Variants in CSMD1 observed in about 807,000 individuals in gnomAD.
The protein encoded by CSMD1 is CUB and Sushi multiple domains 1, also known as CUB and sushi domain-containing protein 1.
Under a neutral mutation model 417.5 loss-of-function variants are expected in CSMD1, and 213 were observed. The ratio of observed to expected loss-of-function variants is 0.51; its 90% CI spans 0.46 to 0.57. The LOEUF (loss-of-function observed/expected upper bound fraction) is 0.57. Among genes scored for constraint, CSMD1 ranks in the 20% least tolerant of loss-of-function variants. The pLI, the probability that CSMD1 is intolerant of heterozygous loss-of-function variation, is 0.00. For synonymous variants in CSMD1, 2,862 were observed against 1,736.8 expected, an observed-to-expected ratio of 1.65 and a Z score of -16.11; for missense variants, 6,923 against 4,529.7, an observed-to-expected ratio of 1.53 and a Z score of -15.17.
chr8:3,487,262 C>T (rs1170182781), intron 11 of CSMD1, among the ~76,000 whole-genome samples: 4 of 152,034 alleles, frequency 2.6e-5, no homozygotes, highest in Admixed American at 6.6e-5. Context: ...AGTGCAGTGG[C>T]GCGATCTTGG....
At chr8:3,173,938 T>G (rs1374672653) in intron 37 of CSMD1, among the ~76,000 whole-genome samples, 1 of 152,224 alleles carries the variant, frequency 6.6e-6, no homozygotes, top group Admixed American at 6.5e-5. Context: ...ATGTTGAGTA[T>G]GTTTCATTTC....
intron 12 of CSMD1, among the ~76,000 whole-genome samples, chr8:3,412,679 G>C (rs1812887159): frequency 6.6e-6 from 1 of 152,196 alleles, no homozygotes; most frequent in Admixed American, 6.5e-5. Flanking sequence ...GATCCTTACA[G>C]AGTCAGCTCT....
At position 4,263,810 on chromosome 8, in the gene CSMD1, T is replaced by C. The variant is rs118013799; in HGVS notation, c.415+156143A>G. On this transcript the variant is annotated intron_variant, in intron 3 of 69. Transcript: ENST00000635120. ...AATTGTGACTGGCTCACCTAAATTA[T>C]ACATATTTTCTAAACCAATTTTTGA... 9.6e-3 allele frequency among the ~76,000 whole-genome samples: 1,455 copies of C among 152,318 alleles called. 11 individuals carry two copies. Among genetic ancestry groups the C allele is most frequent in the Non-Finnish European group, 0.015 (999 of 68,028 alleles).
At chr8:4,606,221 T>C (rs966997630) in intron 2 of CSMD1, among the ~76,000 whole-genome samples, 3 of 152,018 alleles carry the variant, frequency 2.0e-5, no homozygotes, top group African/African-American at 7.2e-5. Context: ...GGTCTAAGAG[T>C]TGGAAGGAGA....
At chr8:3,817,922 G>A (rs1200356270) in intron 5 of CSMD1, among the ~76,000 whole-genome samples, 1 of 152,094 alleles carries the variant, frequency 6.6e-6, no homozygotes, top group Non-Finnish European at 1.5e-5. Flanking sequence ...TTAACTACCA[G>A]ACAAAAACCT....
intron 3 of CSMD1, among the ~76,000 whole-genome samples, chr8:4,034,073 A>G (rs1386088909): frequency 2.0e-5 from 3 of 152,230 alleles, no homozygotes; most frequent in African/African-American, 2.4e-5. Flanking sequence ...TTGTCTTTGC[A>G]TCGGCATGGG....
chr8:4,030,881 C>T (rs764610155), intron 4 of CSMD1, among the ~76,000 whole-genome samples: 1 of 152,314 alleles, frequency 6.6e-6, no homozygotes, highest in East Asian at 1.9e-4. Flanking sequence ...CCCAAATCAT[C>T]TCTCTCAAGT....
intron 25 of CSMD1, among the ~76,000 whole-genome samples, chr8:3,303,502 C>T (rs916495824): frequency 2.6e-5 from 4 of 152,182 alleles, no homozygotes; most frequent in African/African-American, 9.7e-5. Flanking sequence ...CAATGTTTTT[C>T]ATACTGTGCG....
chr8:3,483,861 C>T (rs1017891724), intron 11 of CSMD1, among the ~76,000 whole-genome samples: 1 of 152,054 alleles, frequency 6.6e-6, no homozygotes, highest in African/African-American at 2.4e-5. Context: ...CAATGTCATC[C>T]ACCATTAGAA....
At chr8:3,471,125 C>T (rs534561375) in intron 11 of CSMD1, among the ~76,000 whole-genome samples, 52 of 152,290 alleles carry the variant, frequency 3.4e-4, no homozygotes, top group African/African-American at 1.1e-3. Context: ...ACATTCCCAC[C>T]AGCAGTGTGT....
chr8:4,664,731 G>A (rs566231944), intron 1 of CSMD1, among the ~76,000 whole-genome samples: 99 of 152,258 alleles, frequency 6.5e-4, no homozygotes, highest in Non-Finnish European at 1.2e-3. Flanking sequence ...ATATAAAAGT[G>A]TAGATGCTAA....
intron 5 of CSMD1, among the ~76,000 whole-genome samples, chr8:3,956,183 G>A (rs903913285): frequency 6.6e-6 from 1 of 152,268 alleles, no homozygotes; most frequent in South Asian, 2.1e-4. Context: ...TACAATTTTG[G>A]GGTATTAACC....
intron 3 of CSMD1, among the ~76,000 whole-genome samples, chr8:4,368,970 T>C (rs1802248711): frequency 6.6e-6 from 1 of 152,142 alleles, no homozygotes; most frequent in Admixed American, 6.6e-5. Context: ...AGCTCTGATT[T>C]TGGTTATTTT....
At chr8:3,905,204 A>G (rs1320298735) in intron 5 of CSMD1, among the ~76,000 whole-genome samples, 2 of 152,324 alleles carry the variant, frequency 1.3e-5, no homozygotes, top group East Asian at 3.9e-4. Flanking sequence ...ATAAAAGATA[A>G]TATTTTTTCT....
chr8:4,820,524 G>C (rs1225302483), intron 1 of CSMD1, among the ~76,000 whole-genome samples: 2 of 152,096 alleles, frequency 1.3e-5, no homozygotes, highest in Non-Finnish European at 2.9e-5. Context: ...CTCTCAGAAA[G>C]ACAGAAGAAT....
chr8:3,637,782 A>G (rs980289311), intron 7 of CSMD1, among the ~76,000 whole-genome samples: 2 of 152,114 alleles, frequency 1.3e-5, no homozygotes, highest in Non-Finnish European at 2.9e-5. Context: ...TAATTCCCAC[A>G]TCTTGGGAGG....
chr8:4,124,889 G>T (rs889660861), intron 3 of CSMD1, among the ~76,000 whole-genome samples: 4 of 152,054 alleles, frequency 2.6e-5, no homozygotes, highest in Admixed American at 2.6e-4. Context: ...AAAAGCGGAG[G>T]GGTTATAAGG....
chr8:3,523,575 A>G (rs1797605017), intron 10 of CSMD1, among the ~76,000 whole-genome samples: 1 of 149,040 alleles, frequency 6.7e-6, no homozygotes, highest in African/African-American at 2.4e-5. Context: ...GCACACACAC[A>G]TGTACACACA....
intron 40 of CSMD1, among the ~76,000 whole-genome samples, chr8:3,143,871 A>AG (rs1160052973): frequency 6.6e-6 from 1 of 152,258 alleles, no homozygotes; most frequent in Non-Finnish European, 1.5e-5. Flanking sequence ...ACATCCACTC[A>AG]GGTGTCAAAG....
Sources: allele counts gnomAD v4.1 joint callset (sites outside exome capture counted in the v4.1 genomes callset), GRCh38; gene constraint gnomAD v4.1.1; transcripts MANE v1.5; gene names NCBI Gene and HGNC (gene_info 2026-07-23, HGNC 2026-07-21).